The following NEK1 variants were observed in gnomAD, a reference collection of about 807,000 sequenced individuals.
The protein encoded by NEK1 is serine/threonine-protein kinase Nek1.
A neutral mutation model predicts 182.1 loss-of-function variants in NEK1; 137 were observed. That is an observed-to-expected ratio of 0.75 (90% CI 0.65 to 0.87). The LOEUF is 0.87. Among genes scored for constraint, NEK1 ranks in the 40% least tolerant of loss-of-function variants. The pLI is 0.00. For synonymous variants in NEK1, 513 were observed against 492.2 expected (o/e 1.04, Z -0.56); for missense variants, 1,391 against 1,494.4 (o/e 0.93, Z 1.14).
At chr4:169,600,760 A>G (rs1770354325) in intron 4 of NEK1, among the ~76,000 whole-genome samples, 1 of 152,200 alleles carries the variant, frequency 6.6e-6, no homozygotes, top group Non-Finnish European at 1.5e-5. Context: ...TATGTAGCAT[A>G]ACAAAAAGCA....
intron 31 of NEK1, among the ~76,000 whole-genome samples, chr4:169,417,158 G>T (rs1734677232): frequency 6.6e-6 from 1 of 152,154 alleles, no homozygotes; most frequent in Non-Finnish European, 1.5e-5. Flanking sequence ...CAGTTGAAAA[G>T]AACAAAGAGA....
At chr4:169,412,653 T>C (rs1733866062) in intron 31 of NEK1, among the ~76,000 whole-genome samples, 1 of 152,186 alleles carries the variant, frequency 6.6e-6, no homozygotes, top group African/African-American at 2.4e-5. Flanking sequence ...ATAGAATTTA[T>C]TGGGCATTAA....
At chr4:169,607,122 C>T (rs1236098875) in intron 2 of NEK1, among the ~76,000 whole-genome samples, 1 of 152,228 alleles carries the variant, frequency 6.6e-6, no homozygotes, top group Non-Finnish European at 1.5e-5. Context: ...CTGAAACAGT[C>T]TCATCCTAAC....
intron 27 of NEK1, among the ~76,000 whole-genome samples, chr4:169,454,347 A>G (rs1027733569): frequency 1.3e-4 from 20 of 152,192 alleles, no homozygotes; most frequent in African/African-American, 4.8e-4. Flanking sequence ...TAATTAAACT[A>G]AAGAGCTTCT....
At chr4:169,599,578 T>G (rs572131489) in intron 4 of NEK1, among the ~76,000 whole-genome samples, 7 of 152,218 alleles carry the variant, frequency 4.6e-5, no homozygotes, top group African/African-American at 1.2e-4. Context: ...ATGGGTTATC[T>G]TAGTTTTCTG....
At chr4:169,455,636 A>T (rs1334423864) in intron 27 of NEK1, among the ~76,000 whole-genome samples, 1 of 152,170 alleles carries the variant, frequency 6.6e-6, no homozygotes, top group East Asian at 1.9e-4. Flanking sequence ...TATTAGAGTC[A>T]AAGTGAGAGA....
chr4:169,562,692 T>C (rs1275935577), intron 12 of NEK1, among the ~76,000 whole-genome samples: 1 of 152,172 alleles, frequency 6.6e-6, no homozygotes, highest in Admixed American at 6.5e-5. Flanking sequence ...ACTATATACA[T>C]ACAACAATTT....
At chr4:169,570,571 G>A (rs1399098664) in intron 12 of NEK1, among the ~76,000 whole-genome samples, 6 of 148,890 alleles carry the variant, frequency 4.0e-5, no homozygotes, top group African/African-American at 1.2e-4. Flanking sequence ...TCAGCCCCCC[G>A]CCCGGCCAGC....
intron 5 of NEK1, among the ~76,000 whole-genome samples, chr4:169,594,970 AAACT>A: frequency 2.0e-5 from 3 of 152,300 alleles, no homozygotes; most frequent in Admixed American, 2.0e-4. Flanking sequence ...TTACTATAAT[AAACT>A]AACCACAGCC....
intron 18 of NEK1, among the ~76,000 whole-genome samples, chr4:169,548,509 G>A (rs1408685694): frequency 6.6e-6 from 1 of 152,240 alleles, no homozygotes; most frequent in Non-Finnish European, 1.5e-5. Context: ...TGGGAGATCT[G>A]CTGCTCTCTT....
chr4:169,536,313 A>T (rs1377477706), intron 19 of NEK1, among the ~76,000 whole-genome samples: 2 of 151,690 alleles, frequency 1.3e-5, no homozygotes, highest in Non-Finnish European at 2.9e-5. Flanking sequence ...AAAAAAAAAA[A>T]ATACACAAAC....
At chr4:169,495,654 T>C (rs1179431827) in intron 23 of NEK1, among the ~76,000 whole-genome samples, 5 of 152,226 alleles carry the variant, frequency 3.3e-5, no homozygotes, top group Non-Finnish European at 7.3e-5. Flanking sequence ...ATTTATTAAA[T>C]AGGGAATCCT....
intron 18 of NEK1, among the ~76,000 whole-genome samples, chr4:169,539,102 A>G (rs927809548): frequency 1.3e-5 from 2 of 152,124 alleles, no homozygotes; most frequent in Non-Finnish European, 2.9e-5. Context: ...TTGAAGGCCT[A>G]TTACTGTTGC....
At chr4:169,432,804 G>C (rs1737678809) in intron 29 of NEK1, among the ~76,000 whole-genome samples, 1 of 152,102 alleles carries the variant, frequency 6.6e-6, no homozygotes, top group Non-Finnish European at 1.5e-5. Flanking sequence ...TTGAGTTGGA[G>C]AGTCTGTTGC....
intron 27 of NEK1, among the ~76,000 whole-genome samples, chr4:169,453,046 T>C (rs1742141655): frequency 6.6e-6 from 1 of 152,100 alleles, no homozygotes; most frequent in Admixed American, 6.6e-5. Context: ...AAATCATGAG[T>C]GAACTCCCAT....
intron 27 of NEK1, among the ~76,000 whole-genome samples, chr4:169,448,866 G>A (rs374018091): frequency 2.0e-5 from 3 of 152,370 alleles, no homozygotes; most frequent in South Asian, 4.1e-4. Context: ...ACCTCACCTG[G>A]GAAGCGCAAT....
chr4:169,410,473 A>G (rs879362616), intron 31 of NEK1, among the ~76,000 whole-genome samples: 33 of 152,336 alleles, frequency 2.2e-4, no homozygotes, highest in Non-Finnish European at 4.1e-4. Context: ...AAAATCAGGA[A>G]GTAGTAGTAT....
chr4:169,432,956 G>A (rs1270314011), intron 29 of NEK1, among the ~76,000 whole-genome samples: 1 of 150,968 alleles, frequency 6.6e-6, no homozygotes, highest in Non-Finnish European at 1.5e-5. Flanking sequence ...GTAGAGATGG[G>A]GTTTTGCCAT....
intron 27 of NEK1, among the ~76,000 whole-genome samples, chr4:169,441,857 G>C (rs1481229257): frequency 6.6e-6 from 1 of 152,078 alleles, no homozygotes; most frequent in South Asian, 2.1e-4. Flanking sequence ...TGCTCTACCT[G>C]GCGATGCCCC....
Sources: gnomAD v4.1 joint callset for allele counts (sites outside exome capture counted in the v4.1 genomes callset) on GRCh38, gnomAD v4.1.1 for gene constraint, MANE v1.5 for transcripts, NCBI Gene and HGNC (gene_info 2026-07-23, HGNC 2026-07-21) for gene names.